The following BCR variants were observed in gnomAD, a reference collection of about 807,000 sequenced individuals.
BCR encodes breakpoint cluster region protein.
In BCR, 58 loss-of-function variants were observed where a neutral mutation model predicts 138.6. That is an observed-to-expected ratio of 0.42 (90% CI 0.34 to 0.52). BCR has a LOEUF of 0.52. Among genes scored for constraint, BCR ranks in the 20% least tolerant of loss-of-function variants. The probability of loss-of-function intolerance (pLI) is 0.06; values close to 1 mark genes in which losing one functional copy is unlikely to be tolerated. For synonymous variants in BCR, 786 were observed against 730.1 expected, an observed-to-expected ratio of 1.08 and a Z score of -1.23; for missense variants, 1,599 against 1,727.2, an observed-to-expected ratio of 0.93 and a Z score of 1.32.
chr22:23,256,985 C>A (rs1173536505), intron 2 of BCR, among the ~76,000 whole-genome samples: 5 of 152,142 alleles, frequency 3.3e-5, no homozygotes, highest in Non-Finnish European at 7.4e-5. Flanking sequence ...TTTCCCTTTA[C>A]CTCCGGCTTC....
chr22:23,309,271 C>T (rs1327355906), intron 16 of BCR, among the ~76,000 whole-genome samples, 153 bp from the exon 17 acceptor site: 1 of 152,212 alleles, frequency 6.6e-6, no homozygotes, highest in Admixed American at 6.5e-5. Flanking sequence ...CCCCTCCTTA[C>T]TCTACCTCTG....
chr22:23,262,659 GC>G, intron 4 of BCR: 1 of 547,918 alleles, frequency 1.8e-6, no homozygotes, highest in Non-Finnish European at 2.3e-6. Context: ...CTCTTGGGCA[GC>G]CAGGGCCGCT....
Position 23,295,133 on chromosome 22 carries a change from T to G in BCR, c.2990T>G (p.Leu997Arg). 1 of 1,613,950 alleles carries G rather than the reference T, an allele frequency of 6.2e-7. No individual in the cohort carries two copies. Among genetic ancestry groups the G allele is most frequent in the Non-Finnish European group, 8.5e-7 (1 of 1,179,952 alleles). The change falls in exon 16 of 23, where the codon CTC becomes CGC. Residue 997 changes from leucine to arginine, a missense_variant. Coordinates refer to ENST00000305877, the MANE Select transcript of BCR (RefSeq NM_004327.4). ...GAGGACGGCGAGAGCACGGACAGAC[T>G]CATGGGGAAGGGCCAGGTCCAGGTG... The part of the protein sequence containing the change: ...PKEDGESTDR[L>R]MGKGQVQLDP...
chr22:23,276,407 G>GAA lies in BCR; in HGVS notation c.2115+2647_2115+2648dup, dbSNP rs144153786. Among the ~76,000 whole-genome samples the GAA allele has an allele frequency of 4.8e-5, 6 of 125,276 alleles. No homozygotes were observed. In the East Asian group the frequency reaches 8.9e-4, roughly 19 times the overall value. The allele number at this position is 125,276 out of a possible 152,430, so 82.2% of individuals were successfully genotyped here. On this transcript the variant is annotated intron_variant, in intron 8 of 22. Coordinates refer to ENST00000305877, the MANE Select transcript of BCR (RefSeq NM_004327.4). ...GAGCGAGATTCTGTCTCAAAAAAAA[G>GAA]AAAAAAAAAAAAAAAGGGCTGGTTG...
At chr22:23,282,299 G>C (rs911100744) in intron 8 of BCR, among the ~76,000 whole-genome samples, 1 of 152,250 alleles carries the variant, frequency 6.6e-6, no homozygotes, top group African/African-American at 2.4e-5. Context: ...CGTGGGTGCC[G>C]TCACCAGGCA....
At chr22:23,296,547 A>G (rs2073847636) in intron 16 of BCR, among the ~76,000 whole-genome samples, 1 of 152,152 alleles carries the variant, frequency 6.6e-6, no homozygotes, top group African/African-American at 2.4e-5. Context: ...CTGGCTGGCC[A>G]CATCTTCGGA....
chr22:23,284,290 C>T (rs1178131521), intron 9 of BCR, among the ~76,000 whole-genome samples, 192 bp downstream of exon 9: 2 of 152,130 alleles, frequency 1.3e-5, no homozygotes, highest in East Asian at 3.9e-4. Context: ...TCAGGGTGAC[C>T]AGCTTTGACT....
chr22:23,185,510 A>G (rs1015284577), intron 1 of BCR, among the ~76,000 whole-genome samples: 3 of 151,708 alleles, frequency 2.0e-5, no homozygotes, highest in African/African-American at 7.3e-5. Flanking sequence ...CTAAAAATAC[A>G]AAAAATTAGC....
intron 16 of BCR, among the ~76,000 whole-genome samples, chr22:23,298,710 C>G (rs1017423299): frequency 6.6e-6 from 1 of 152,148 alleles, no homozygotes; most frequent in Non-Finnish European, 1.5e-5. Flanking sequence ...ATTCTGCTGC[C>G]GCAGCCTCCT....
chr22:23,214,865 A>G (rs1251020607), intron 1 of BCR, among the ~76,000 whole-genome samples: 1 of 152,218 alleles, frequency 6.6e-6, no homozygotes, highest in Non-Finnish European at 1.5e-5. Context: ...TAAGCATACG[A>G]TCGATGCATG....
chr22:23,231,506 C>CATAAAATAAA (rs57803042), intron 1 of BCR, among the ~76,000 whole-genome samples: 54,552 of 128,466 alleles, frequency 0.42, 12,279 homozygotes, highest in Middle Eastern at 0.49. Flanking sequence ...GACCCCGTCT[C>CATAAAATAAA]ATAAAATAAA....
intron 1 of BCR, among the ~76,000 whole-genome samples, chr22:23,227,047 C>A (rs954791635): frequency 2.6e-5 from 4 of 152,026 alleles, no homozygotes; most frequent in African/African-American, 9.7e-5. Flanking sequence ...GAACACAGTT[C>A]ACCTTAAGCT....
At chr22:23,292,322 C>T (rs1383733782) in intron 14 of BCR, among the ~76,000 whole-genome samples, 2 of 152,228 alleles carry the variant, frequency 1.3e-5, no homozygotes, top group East Asian at 1.9e-4. Context: ...GTTTCCCAGC[C>T]GCACCCAGGG....
intron 4 of BCR, among the ~76,000 whole-genome samples, chr22:23,266,693 A>G (rs746158957): frequency 6.6e-6 from 1 of 152,140 alleles, no homozygotes; most frequent in Non-Finnish European, 1.5e-5. Context: ...CAACCTTGAC[A>G]TTTTTTGAAG....
intron 2 of BCR, 90 bp from the exon 3 acceptor site, chr22:23,260,860 C>CAA (rs2073348816): frequency 7.9e-7 from 1 of 1,258,602 alleles, no homozygotes; most frequent in East Asian, 2.3e-5. Context: ...GTCCAGAGGT[C>CAA]AACAAGCTGG....
intron 16 of BCR, among the ~76,000 whole-genome samples, chr22:23,299,775 C>T (rs1337595635): frequency 1.3e-5 from 2 of 151,582 alleles, no homozygotes; most frequent in Non-Finnish European, 2.9e-5. Context: ...AATTGCTGAG[C>T]CAGGCACCTG....
chr22:23,224,140 C>T (rs895447092), intron 1 of BCR, among the ~76,000 whole-genome samples: 2 of 152,222 alleles, frequency 1.3e-5, no homozygotes, highest in Admixed American at 6.5e-5. Context: ...CGACTGTGGC[C>T]GCCACACAGT....
intron 19 of BCR, 40 bp downstream of exon 19, chr22:23,311,876 C>T (rs1202697163): frequency 6.2e-7 from 1 of 1,605,974 alleles, no homozygotes; most frequent in African/African-American, 1.3e-5. Flanking sequence ...GAGGTGTGGG[C>T]AATGGTGTCC....
intron 1 of BCR, among the ~76,000 whole-genome samples, chr22:23,210,906 A>T (rs1180446132): frequency 6.6e-6 from 1 of 152,286 alleles, no homozygotes; most frequent in East Asian, 1.9e-4. Context: ...CTTTATTCAG[A>T]TGTAACATAC....
Sources: allele counts gnomAD v4.1 joint callset (sites outside exome capture counted in the v4.1 genomes callset), GRCh38; gene constraint gnomAD v4.1.1; transcripts MANE v1.5; gene names NCBI Gene and HGNC (gene_info 2026-07-23, HGNC 2026-07-21).